Variants in RASGRF2 observed in about 807,000 individuals in gnomAD.
RASGRF2 encodes ras-specific guanine nucleotide-releasing factor 2.
RASGRF2 carries 76 observed loss-of-function variants against 151.0 expected under a neutral mutation model. The ratio of observed to expected loss-of-function variants is 0.50; its 90% CI spans 0.42 to 0.61. The LOEUF is 0.61. Among genes scored for constraint, RASGRF2 ranks in the 20% least tolerant of loss-of-function variants. RASGRF2 has a pLI of 0.00. For synonymous variants in RASGRF2, 504 were observed against 566.5 expected (o/e 0.89, Z 1.57); for missense variants, 1,148 against 1,564.6 (o/e 0.73, Z 4.49).
chr5:80,988,554 T>C (rs553197895), intron 1 of RASGRF2, among the ~76,000 whole-genome samples: 7 of 152,334 alleles, frequency 4.6e-5, no homozygotes, highest in Non-Finnish European at 1.0e-4. Flanking sequence ...TCTGCACTTC[T>C]CTGTCAATTG....
intron 18 of RASGRF2, among the ~76,000 whole-genome samples, chr5:81,186,808 C>CT (rs1406562388): frequency 6.6e-6 from 1 of 152,142 alleles, no homozygotes; most frequent in African/African-American, 2.4e-5. Flanking sequence ...GATCTCAGAG[C>CT]TGGGGGTACT....
At chr5:81,021,910 G>A (rs1293453953) in intron 1 of RASGRF2, among the ~76,000 whole-genome samples, 1 of 152,166 alleles carries the variant, frequency 6.6e-6, no homozygotes, top group Admixed American at 6.5e-5. Context: ...GATTGGTCAA[G>A]AAGTGAGAGA....
intron 18 of RASGRF2, among the ~76,000 whole-genome samples, chr5:81,201,056 C>G (rs1379208194): frequency 6.6e-6 from 1 of 152,136 alleles, no homozygotes; most frequent in Non-Finnish European, 1.5e-5. Flanking sequence ...GGACCCTTCC[C>G]AATGGCTGTT....
At chr5:81,080,326 C>CG in intron 6 of RASGRF2, 126 bp downstream of exon 6, 1 of 1,477,446 alleles carries the variant, frequency 6.8e-7, no homozygotes, top group Non-Finnish European at 9.0e-7. Context: ...TTCTGTATCC[C>CG]GGGACCCTGT....
intron 17 of RASGRF2, among the ~76,000 whole-genome samples, chr5:81,141,664 A>G (rs1401817782): frequency 2.0e-5 from 3 of 152,106 alleles, no homozygotes; most frequent in Non-Finnish European, 4.4e-5. Flanking sequence ...CAGCACGTCC[A>G]TTTCTTTCCG....
chr5:80,982,704 C>G (rs1387471951), intron 1 of RASGRF2, among the ~76,000 whole-genome samples: 2 of 151,604 alleles, frequency 1.3e-5, no homozygotes, highest in Non-Finnish European at 2.9e-5. Context: ...GGGTTCATGC[C>G]ATTCTCCTGC....
Position 81,201,390 on chromosome 5 carries a change from C to T in RASGRF2, c.2854C>T (p.Arg952Ter), listed in dbSNP as rs1224172379. 1.9e-6 allele frequency: 3 copies of T among 1,613,716 alleles called. No individual in the cohort carries two copies. The highest frequency in any genetic ancestry group is 2.2e-5 in the South Asian group (2 of 91,036). The change falls in exon 19 of 27, where the codon CGA becomes TGA. Residue 952 changes from arginine to a stop codon, truncating the protein, a stop_gained. Transcript: ENST00000265080. LOFTEE classifies it high-confidence loss of function. Reference sequence around the variant, plus strand: ...CCTAAATTTGCTAGAAGAAGTTTTGCGAGACCCAGACCTTCTTCCCCAAGA... The same window carrying T: ...CCTAAATTTGCTAGAAGAAGTTTTGTGAGACCCAGACCTTCTTCCCCAAGA... The part of the protein sequence containing the change: ...NVLNLLEEVL[R>*]DPDLLPQERK...
intron 7 of RASGRF2, among the ~76,000 whole-genome samples, chr5:81,085,428 C>T (rs1752199654): frequency 6.6e-6 from 1 of 152,080 alleles, no homozygotes; most frequent in Admixed American, 6.6e-5. Context: ...TGCAAATGGA[C>T]TAATATATCT....
chr5:81,000,771 T>A (rs1327526923), intron 1 of RASGRF2, among the ~76,000 whole-genome samples: 3 of 152,170 alleles, frequency 2.0e-5, no homozygotes, highest in Non-Finnish European at 4.4e-5. Flanking sequence ...GTCCTATGCA[T>A]CTCTACACGT....
intron 26 of RASGRF2, among the ~76,000 whole-genome samples, chr5:81,225,002 T>C (rs1262252369): frequency 6.6e-6 from 1 of 152,230 alleles, no homozygotes; most frequent in Non-Finnish European, 1.5e-5. Context: ...TATTTCACTT[T>C]TGTGTGTTAT....
intron 7 of RASGRF2, 92 bp from the exon 8 acceptor site, chr5:81,085,710 A>T: frequency 1.3e-6 from 2 of 1,552,802 alleles, no homozygotes; most frequent in Non-Finnish European, 1.7e-6. Context: ...GAGAGTAGAG[A>T]CAAGCTTCTC....
intron 1 of RASGRF2, among the ~76,000 whole-genome samples, chr5:81,039,777 C>T (rs1750624912): frequency 6.6e-6 from 1 of 151,890 alleles, no homozygotes; most frequent in African/African-American, 2.4e-5. Context: ...TGATATTATC[C>T]TTTTTATACA....
intron 1 of RASGRF2, among the ~76,000 whole-genome samples, chr5:80,966,646 G>GA (rs1464473967): frequency 6.6e-6 from 1 of 152,010 alleles, no homozygotes; most frequent in East Asian, 1.9e-4. Flanking sequence ...TATATATTTA[G>GA]AAAAAAACAG....
At chr5:81,146,281 A>C (rs1171155333) in intron 17 of RASGRF2, among the ~76,000 whole-genome samples, 2 of 152,144 alleles carry the variant, frequency 1.3e-5, no homozygotes, top group East Asian at 3.8e-4. Context: ...AACTGAGAGG[A>C]GCCTCCCCTG....
chr5:80,969,687 G>A (rs540309969), intron 1 of RASGRF2, among the ~76,000 whole-genome samples: 25 of 151,578 alleles, frequency 1.6e-4, no homozygotes, highest in African/African-American at 4.8e-4. Context: ...TCCTGACCTC[G>A]TGATCCGCCC....
intron 2 of RASGRF2, among the ~76,000 whole-genome samples, chr5:81,066,271 G>C (rs192352099): frequency 6.6e-6 from 1 of 151,698 alleles, no homozygotes; most frequent in East Asian, 1.9e-4. Flanking sequence ...TTCTCTTTGG[G>C]TAATTTCTCA....
intron 17 of RASGRF2, among the ~76,000 whole-genome samples, chr5:81,173,951 A>G (rs1418181437): frequency 6.6e-6 from 1 of 152,238 alleles, no homozygotes; most frequent in East Asian, 1.9e-4. Flanking sequence ...TACTGATTGA[A>G]TAATTGAATT....
chr5:81,156,495 A>C (rs966437213), intron 17 of RASGRF2, among the ~76,000 whole-genome samples: 2 of 152,236 alleles, frequency 1.3e-5, no homozygotes, highest in Non-Finnish European at 2.9e-5. Context: ...GAAAAAGTTT[A>C]ACACCATAAC....
rs1749977968 is a variant in RASGRF2 at position 81,025,236 on chromosome 5, C to T, written c.289-17641C>T. On this transcript the variant is annotated intron_variant, in intron 1 of 26. Transcript: ENST00000265080. Reference sequence around the variant, plus strand: ...CCCAGCCTGGCTTTCTCAGGTGTGGCCAACTTCTGGCCCAAAGGAAACACT... The same window carrying T: ...CCCAGCCTGGCTTTCTCAGGTGTGGTCAACTTCTGGCCCAAAGGAAACACT... Among the ~76,000 whole-genome samples the T allele has an allele frequency of 2.0e-5, 3 of 152,300 alleles. No individual in the cohort carries two copies. The South Asian group carries it at 6.2e-4, about 32-fold the overall frequency.
Sources: gnomAD v4.1 joint callset for allele counts (sites outside exome capture counted in the v4.1 genomes callset) on GRCh38, gnomAD v4.1.1 for gene constraint, MANE v1.5 for transcripts, NCBI Gene and HGNC (gene_info 2026-07-23, HGNC 2026-07-21) for gene names.